The following SRPK2 variants were observed in gnomAD, a reference collection of about 807,000 sequenced individuals.
SRPK2 encodes SFRS protein kinase 2.
SRPK2 carries 21 observed loss-of-function variants against 90.8 expected under a neutral mutation model. That is an observed-to-expected ratio of 0.23 (90% CI 0.16 to 0.33). SRPK2 has a LOEUF of 0.33. SRPK2 is among the 10% of genes least tolerant of loss of function. SRPK2 has a pLI of 1.00. For synonymous variants in SRPK2, 288 were observed against 311.1 expected (o/e 0.93, Z 0.78); for missense variants, 620 against 869.0 (o/e 0.71, Z 3.60).
chr7:105,179,327 T>C (rs918610347), intron 3 of SRPK2, among the ~76,000 whole-genome samples: 3 of 152,216 alleles, frequency 2.0e-5, no homozygotes, highest in African/African-American at 7.2e-5. Context: ...ATATATTATG[T>C]GCCACGTTAG....
intron 2 of SRPK2, among the ~76,000 whole-genome samples, chr7:105,371,419 TA>T: frequency 6.6e-6 from 1 of 150,450 alleles, no homozygotes; most frequent in East Asian, 2.0e-4. Flanking sequence ...TTTACAAAAA[TA>T]AAAAATATCC....
At chr7:105,384,415 C>A (rs1436627393) in intron 2 of SRPK2, among the ~76,000 whole-genome samples, 4 of 152,108 alleles carry the variant, frequency 2.6e-5, no homozygotes, top group African/African-American at 9.7e-5. Flanking sequence ...ATAAAAGTAG[C>A]CTCTAGGAAC....
At chr7:105,141,082 A>G (rs910579994) in intron 11 of SRPK2, among the ~76,000 whole-genome samples, 3 of 152,146 alleles carry the variant, frequency 2.0e-5, no homozygotes, top group Admixed American at 2.0e-4. Context: ...CTATGTAAGC[A>G]CCTTCAAACA....
intron 2 of SRPK2, among the ~76,000 whole-genome samples, chr7:105,358,817 T>C (rs1280761721): frequency 3.3e-5 from 5 of 152,162 alleles, no homozygotes; most frequent in African/African-American, 9.7e-5. Context: ...AAGAGATGTA[T>C]GTGGCTCATG....
intron 15 of SRPK2, among the ~76,000 whole-genome samples, chr7:105,121,066 G>A (rs1166945182): frequency 1.3e-5 from 2 of 152,086 alleles, no homozygotes; most frequent in African/African-American, 2.4e-5. Flanking sequence ...AAATGTCATC[G>A]GCCGGGCACG....
intron 2 of SRPK2, among the ~76,000 whole-genome samples, chr7:105,259,119 A>G (rs576526623): frequency 6.6e-6 from 1 of 152,346 alleles, no homozygotes; most frequent in South Asian, 2.1e-4. Context: ...AGATGACATG[A>G]TTGTATATTT....
chr7:105,371,776 TTCTC>T (rs1563300854), intron 2 of SRPK2, among the ~76,000 whole-genome samples: 1 of 151,984 alleles, frequency 6.6e-6, no homozygotes, highest in Non-Finnish European at 1.5e-5. Context: ...AAATATGATG[TTCTC>T]TCTCTCTACC....
At chr7:105,342,995 T>G (rs147172493) in intron 2 of SRPK2, among the ~76,000 whole-genome samples, 7 of 152,184 alleles carry the variant, frequency 4.6e-5, no homozygotes, top group Middle Eastern at 3.4e-3. Flanking sequence ...CCAAACCTAC[T>G]CCCAAGAGGC....
intron 2 of SRPK2, among the ~76,000 whole-genome samples, chr7:105,263,117 G>T (rs1804543019): frequency 6.6e-6 from 1 of 152,154 alleles, no homozygotes; most frequent in Admixed American, 6.6e-5. Context: ...GAGGTCAGGA[G>T]TTTGAGACCA....
intron 2 of SRPK2, among the ~76,000 whole-genome samples, chr7:105,265,177 A>C (rs2130249586): frequency 6.6e-6 from 1 of 152,256 alleles, no homozygotes; most frequent in Middle Eastern, 3.4e-3. Context: ...CTGTTTAATA[A>C]ATGATTAGAG....
chr7:105,360,110 T>C (rs1585880263), intron 2 of SRPK2, among the ~76,000 whole-genome samples: 6 of 152,336 alleles, frequency 3.9e-5, no homozygotes. Context: ...TCTTGTTGAA[T>C]TGATCCCTTT....
chr7:105,261,037 A>AAAAC (rs1804186873), intron 2 of SRPK2, among the ~76,000 whole-genome samples: 1 of 151,686 alleles, frequency 6.6e-6, no homozygotes, highest in Admixed American at 6.6e-5. Context: ...AAAAAAAAAA[A>AAAAC]AAAAACAGTA....
chr7:105,269,528 C>A (rs910322188), intron 2 of SRPK2, among the ~76,000 whole-genome samples: 2 of 152,130 alleles, frequency 1.3e-5, no homozygotes, highest in African/African-American at 4.8e-5. Flanking sequence ...TACAAGTGAA[C>A]AGCAACACCC....
chr7:105,206,051 G>A (rs1476837475), intron 2 of SRPK2: 1 of 516,676 alleles, frequency 1.9e-6, no homozygotes, highest in African/African-American at 1.9e-5. Context: ...TTCTTGGACT[G>A]GATAATTCAT....
chr7:105,246,919 T>A, intron 2 of SRPK2, among the ~76,000 whole-genome samples: 1 of 152,182 alleles, frequency 6.6e-6, no homozygotes. Context: ...TGTGAACAGC[T>A]CATAGCTCAA....
In SRPK2 at chr7:105,254,646, C is replaced by T. The variant is rs866005315; in HGVS notation, c.72-50861G>A. On this transcript the variant is annotated intron_variant, in intron 2 of 15. Transcript: ENST00000393651. Reference sequence around the variant, plus strand: ...ATTGTACGGTTGGTGATGATGTTATCGTTGAAGTACATCTGCTTGTTTTTT... The same window carrying T: ...ATTGTACGGTTGGTGATGATGTTATTGTTGAAGTACATCTGCTTGTTTTTT... Among the ~76,000 whole-genome samples, 8 of 151,486 alleles carry T rather than the reference C, an allele frequency of 5.3e-5. No homozygotes were observed. The Middle Eastern group carries it at 0.01, about 193-fold the overall frequency.
intron 2 of SRPK2, among the ~76,000 whole-genome samples, chr7:105,220,316 C>G (rs1182692388): frequency 6.6e-6 from 1 of 152,030 alleles, no homozygotes; most frequent in Non-Finnish European, 1.5e-5. Flanking sequence ...ATCACAGGGT[C>G]AAGAGATCGA....
chr7:105,209,789 G>A (rs547697122), intron 2 of SRPK2, among the ~76,000 whole-genome samples: 1 of 152,086 alleles, frequency 6.6e-6, no homozygotes, highest in African/African-American at 2.4e-5. Context: ...TCAGTGATGG[G>A]AATGAAATTA....
intron 5 of SRPK2, 122 bp downstream of exon 5, chr7:105,167,886 T>C (rs577746655): frequency 1.7e-5 from 13 of 768,598 alleles, no homozygotes; most frequent in South Asian, 5.7e-5. Flanking sequence ...GCTGAGATTA[T>C]AGGCATGAGC....
Sources: gnomAD v4.1 joint callset for allele counts (sites outside exome capture counted in the v4.1 genomes callset) on GRCh38, gnomAD v4.1.1 for gene constraint, MANE v1.5 for transcripts, NCBI Gene and HGNC (gene_info 2026-07-23, HGNC 2026-07-21) for gene names.